Variants in TSNAX observed in about 807,000 individuals in gnomAD.
TSNAX encodes the protein translin-associated protein X.
In TSNAX, 12 loss-of-function variants were observed where a neutral mutation model predicts 33.0. That is an observed-to-expected ratio of 0.36 (90% confidence interval 0.23 to 0.59). The LOEUF (loss-of-function observed/expected upper bound fraction) is 0.59. Among genes scored for constraint, TSNAX ranks in the 20% least tolerant of loss-of-function variants. The pLI is 0.74. For missense variants in TSNAX, 267 were observed against 341.3 expected, an observed-to-expected ratio of 0.78 and a Z score of 1.72; for synonymous variants, 110 against 117.2, an observed-to-expected ratio of 0.94 and a Z score of 0.40.
At position 231,538,464 on chromosome 1, in the gene TSNAX, G is replaced by A. The variant is rs532671517; in HGVS notation, c.236+1137G>A. Among the ~76,000 whole-genome samples the A allele has an allele frequency of 9.9e-5, 15 of 152,220 alleles. No individual in the cohort carries two copies. In the South Asian group the frequency reaches 1.7e-3, roughly 17 times the overall value. ...CTGAGGATCTCCATCTTCCATCTTT[G>A]CTTCTTTGTTTGCTTCATAATTCAT... is the stretch of plus-strand genomic sequence containing the variant. On this transcript the variant is annotated intron_variant, in intron 3 of 5. Transcript: ENST00000366639.
chr1:231,537,219 A>G lies in TSNAX; in HGVS notation c.128A>G (p.Gln43Arg), dbSNP rs1012297675. Residue 43 changes from glutamine (Q) to arginine (R), a missense_variant, in exon 3 of 6, where the codon CAG becomes CGG. Gln to Arg is a conservative substitution (Grantham distance 43). Around this residue, in one of 2 missense-constraint regions of TSNAX, gnomAD observed 200 missense variants for 214.1 expected, o/e 0.93. Coordinates refer to ENST00000366639, the MANE Select transcript of TSNAX (RefSeq NM_005999.3). ...GATCATAATGTGTTTTTAGCATTTC[A>G]GCAGGAACTTGATGCAAGGCATGAC... ...SPVMLAFKSF[Q>R]QELDARHDKY... 3.7e-6 allele frequency: 6 copies of G among 1,609,636 alleles called. 1 individual carries two copies. The highest frequency in any genetic ancestry group is 5.1e-6 in the Non-Finnish European group (6 of 1,177,772).
At chr1:231,563,929 A>G (rs1014974743) in intron 5 of TSNAX, among the ~76,000 whole-genome samples, 8 of 152,124 alleles carry the variant, frequency 5.3e-5, no homozygotes, top group African/African-American at 1.9e-4. Context: ...TTTTTAACTC[A>G]GTGAGTGGTA....
chr1:231,564,955 A>G lies in TSNAX; in HGVS notation c.*50A>G. On this transcript the variant is annotated 3_prime_UTR_variant, in exon 6 of 6. Coordinates refer to ENST00000366639, the MANE Select transcript of TSNAX (RefSeq NM_005999.3). ...TTCTTTTGAGAACTCCTAAGAGACC[A>G]ATTTGTAAGACTTATTTAGTATTTC... 1 of 1,554,922 alleles carries G rather than the reference A, an allele frequency of 6.4e-7. No homozygotes were observed. The highest frequency in any genetic ancestry group is 8.7e-7 in the Non-Finnish European group (1 of 1,151,538).
At chr1:231,537,973 T>C (rs948016746) in intron 3 of TSNAX, among the ~76,000 whole-genome samples, 1 of 152,226 alleles carries the variant, frequency 6.6e-6, no homozygotes, top group Non-Finnish European at 1.5e-5. Flanking sequence ...ACCTATTTTC[T>C]CGTTCATTTT....
At position 231,542,526 on chromosome 1, in the gene TSNAX, G is replaced by A. The variant is rs1659645908; in HGVS notation, c.282G>A (p.Leu94=). ...TATTGACTGAATCAGAAATTAAATT[G>A]GATGGTGTCAGACAAAAGATATTCC... The part of the protein sequence containing the change: ...EDILTESEIK[L]DGVRQKIFQV... The change falls in exon 4 of 6, where the codon TTG becomes TTA. Residue 94 remains leucine, a synonymous_variant. Transcript: ENST00000366639. 1.2e-6 allele frequency: 2 copies of A among 1,613,834 alleles called. No individual in the cohort carries two copies. The highest frequency in any genetic ancestry group is 2.7e-5 in the African/African-American group (2 of 74,890).
intron 4 of TSNAX, chr1:231,542,867 T>G (rs201806200): frequency 2.3e-5 from 7 of 309,920 alleles, no homozygotes; most frequent in Non-Finnish European, 4.2e-5. Context: ...AACTTTATTC[T>G]TGAGTATGTA....
intron 4 of TSNAX, among the ~76,000 whole-genome samples, chr1:231,550,326 G>A (rs1176193679): frequency 6.6e-6 from 1 of 152,092 alleles, no homozygotes; most frequent in African/African-American, 2.4e-5. Flanking sequence ...TTAAGTCCAG[G>A]GGTGGGTGGG....
intron 2 of TSNAX, among the ~76,000 whole-genome samples, chr1:231,531,897 G>T (rs1443038377): frequency 6.6e-6 from 1 of 151,958 alleles, no homozygotes; most frequent in Non-Finnish European, 1.5e-5. Flanking sequence ...GATCTTAAAT[G>T]TTTTTACCAC....
intron 4 of TSNAX, among the ~76,000 whole-genome samples, chr1:231,554,315 T>G (rs1292098906): frequency 6.6e-6 from 1 of 152,194 alleles, no homozygotes; most frequent in Non-Finnish European, 1.5e-5. Context: ...ATATTTTTTT[T>G]GTTGAGGCAC....
At chr1:231,532,030 C>T (rs1179625848) in intron 2 of TSNAX, among the ~76,000 whole-genome samples, 2 of 151,050 alleles carry the variant, frequency 1.3e-5, no homozygotes, top group African/African-American at 4.9e-5. Context: ...TGTGATTGGG[C>T]CACTGCACTC....
chr1:231,556,406 CAG>C (rs1406555654), intron 4 of TSNAX, among the ~76,000 whole-genome samples: 1 of 152,102 alleles, frequency 6.6e-6, no homozygotes, highest in Non-Finnish European at 1.5e-5. Flanking sequence ...GGCAGCCAAA[CAG>C]AAATGCTATT....
At chr1:231,563,240 T>A (rs960621214) in intron 5 of TSNAX, among the ~76,000 whole-genome samples, 2 of 152,260 alleles carry the variant, frequency 1.3e-5, no homozygotes, top group African/African-American at 2.4e-5. Flanking sequence ...ACCTACCCTT[T>A]TATACATACC....
intron 4 of TSNAX, among the ~76,000 whole-genome samples, chr1:231,555,220 T>G (rs1273230922): frequency 1.3e-5 from 2 of 152,214 alleles, no homozygotes; most frequent in Non-Finnish European, 2.9e-5. Flanking sequence ...AGAATATTAT[T>G]CAGCCTTAAA....
chr1:231,555,975 C>A (rs1390985395), intron 4 of TSNAX, among the ~76,000 whole-genome samples: 3 of 151,982 alleles, frequency 2.0e-5, no homozygotes, highest in Non-Finnish European at 4.4e-5. Flanking sequence ...CATAGTTGCA[C>A]AATGGAAGAG....
intron 5 of TSNAX, 133 bp downstream of exon 5, chr1:231,561,388 A>G (rs1661105257): frequency 4.1e-6 from 3 of 733,304 alleles, no homozygotes; most frequent in Non-Finnish European, 6.4e-6. Flanking sequence ...GTAGAGTCTC[A>G]ACTAGGAAAT....
intron 2 of TSNAX, among the ~76,000 whole-genome samples, chr1:231,532,363 T>C (rs1368126011): frequency 6.6e-6 from 1 of 152,010 alleles, no homozygotes; most frequent in East Asian, 1.9e-4. Flanking sequence ...GGCTAGTTTT[T>C]AGATTTTTTT....
At position 231,530,530 on chromosome 1, in the gene TSNAX, T is replaced by TA. The variant is rs201810568; in HGVS notation, c.121+1174dup. 5.2e-3 allele frequency among the ~76,000 whole-genome samples: 791 copies of TA among 152,026 alleles called. 10 individuals are homozygous for TA. Among genetic ancestry groups the TA allele is most frequent in the African/African-American group, 0.018 (743 of 41,438 alleles). On this transcript the variant is annotated intron_variant, in intron 2 of 5. Coordinates refer to ENST00000366639, the MANE Select transcript of TSNAX (RefSeq NM_005999.3). The stretch of plus-strand genomic sequence containing the variant: ...CAACATGGTGAAACCCTGACTCTAA[T>TA]AAAGTACACGGTGAAACCCCGTCTC...
chr1:231,536,512 TGACA>T (rs1242733982), intron 2 of TSNAX: 1 of 152,244 alleles, frequency 6.6e-6, no homozygotes, highest in Non-Finnish European at 1.5e-5. Context: ...TTACTACAAT[TGACA>T]GATTTTTAGA....
intron 2 of TSNAX, among the ~76,000 whole-genome samples, chr1:231,530,984 GTC>G (rs1458970953): frequency 1.2e-4 from 18 of 148,822 alleles, no homozygotes. Context: ...TTGAGACAGA[GTC>G]TCTGTCACAC....
Sources: gnomAD v4.1 joint callset for allele counts (sites outside exome capture counted in the v4.1 genomes callset) on GRCh38, gnomAD v4.1.1 for gene constraint, gnomAD v4.1.1 regional missense constraint, MANE v1.5 for transcripts, NCBI Gene and HGNC (gene_info 2026-07-23, HGNC 2026-07-21) for gene names.